AFG2A: variants seen among roughly 807,000 people sequenced by gnomAD.
The protein encoded by AFG2A is AAA ATPase AFG2A, also known as ATPase family gene 2 protein homolog A.
chr4:123,283,811 C>G, the AFG2A span, among the ~76,000 whole-genome samples: 2 of 152,168 alleles, frequency 1.3e-5, no homozygotes, highest in Non-Finnish European at 2.9e-5. Flanking sequence ...ACTGCAAGGG[C>G]AGATTTGAGT....
chr4:122,936,008 T>C, the AFG2A span: 2 of 1,322,088 alleles, frequency 1.5e-6, no homozygotes, highest in African/African-American at 3.0e-5. Flanking sequence ...ATTTTAAGTA[T>C]TATAGAAATA....
chr4:123,079,996 G>A, the AFG2A span, among the ~76,000 whole-genome samples: 2 of 151,884 alleles, frequency 1.3e-5, no homozygotes, highest in Non-Finnish European at 2.9e-5. Flanking sequence ...TGATCCATGC[G>A]CCTTGGCCTC....
At chr4:123,256,567 T>A in the AFG2A span, 1 of 417,618 alleles carries the variant, frequency 2.4e-6, no homozygotes, top group South Asian at 1.0e-4. Context: ...TCCCTCCTGT[T>A]TCCTCATGGA....
chr4:123,022,590 C>T, the AFG2A span, among the ~76,000 whole-genome samples: 4 of 148,302 alleles, frequency 2.7e-5, no homozygotes, highest in East Asian at 8.0e-4. Context: ...GTTGGTGGGA[C>T]TGTAAACTAG....
At chr4:123,227,693 T>G in the AFG2A span, among the ~76,000 whole-genome samples, 10 of 152,206 alleles carry the variant, frequency 6.6e-5, no homozygotes, top group Non-Finnish European at 1.5e-4. Flanking sequence ...TTCGGTTGAT[T>G]TGAGGTGGAG....
chr4:123,302,300 G>A, the AFG2A span, among the ~76,000 whole-genome samples: 1 of 151,952 alleles, frequency 6.6e-6, no homozygotes, highest in Non-Finnish European at 1.5e-5. Flanking sequence ...CATTACATGA[G>A]TGCTTTTACC....
chr4:123,173,323 A>G, the AFG2A span, among the ~76,000 whole-genome samples: 6 of 142,484 alleles, frequency 4.2e-5, no homozygotes, highest in Non-Finnish European at 7.5e-5. Flanking sequence ...AATCAAATTT[A>G]GTGAATAAGT....
At chr4:123,069,230 T>C in the AFG2A span, among the ~76,000 whole-genome samples, 875 of 152,292 alleles carry the variant, frequency 5.7e-3, 8 homozygotes, top group African/African-American at 0.02. Flanking sequence ...CCATCCATGA[T>C]ATATTAATTA....
At chr4:122,943,430 C>T in the AFG2A span, among the ~76,000 whole-genome samples, 1 of 152,126 alleles carries the variant, frequency 6.6e-6, no homozygotes, top group African/African-American at 2.4e-5. Context: ...GGTTTAAAGT[C>T]TGTTTTATCA....
chr4:122,945,572 G>T, the AFG2A span, among the ~76,000 whole-genome samples: 4 of 152,290 alleles, frequency 2.6e-5, no homozygotes, highest in East Asian at 7.7e-4. Flanking sequence ...CCAGCAAAGG[G>T]AACTCCCTGA....
At chr4:122,939,075 CTTTT>C in the AFG2A span, among the ~76,000 whole-genome samples, 13 of 102,224 alleles carry the variant, frequency 1.3e-4, no homozygotes, top group South Asian at 7.4e-4. Context: ...TATGTTCTTT[CTTTT>C]TTTTTTTTTT....
At chr4:123,054,800 A>G in the AFG2A span, among the ~76,000 whole-genome samples, 8 of 152,214 alleles carry the variant, frequency 5.3e-5, no homozygotes, top group African/African-American at 1.7e-4. Flanking sequence ...TCCACAACAC[A>G]TTAATTTTAT....
At chr4:123,295,256 A>T in the AFG2A span, among the ~76,000 whole-genome samples, 2 of 152,330 alleles carry the variant, frequency 1.3e-5, no homozygotes, top group Non-Finnish European at 2.9e-5. Context: ...GCAGAGGCAT[A>T]AGCCTTGGAA....
the AFG2A span, among the ~76,000 whole-genome samples, chr4:122,992,198 G>A: frequency 2.0e-5 from 3 of 152,282 alleles, no homozygotes; most frequent in South Asian, 6.2e-4. Context: ...TACTACAACT[G>A]CATATTTAAT....
the AFG2A span, among the ~76,000 whole-genome samples, chr4:123,226,252 A>C: frequency 1.3e-5 from 2 of 152,160 alleles, no homozygotes; most frequent in African/African-American, 2.4e-5. Flanking sequence ...CACTATGTTG[A>C]ATAGGAGTGG....
At chr4:123,125,834 CT>C in the AFG2A span, among the ~76,000 whole-genome samples, 12 of 152,248 alleles carry the variant, frequency 7.9e-5, no homozygotes, top group Non-Finnish European at 1.6e-4. Context: ...ATTATTTTAT[CT>C]CAATTTCTTT....
At chr4:123,153,234 C>T in the AFG2A span, among the ~76,000 whole-genome samples, 3 of 152,208 alleles carry the variant, frequency 2.0e-5, no homozygotes, top group Admixed American at 2.0e-4. Flanking sequence ...GGCCTTTCTA[C>T]AGCATGGGCT....
the AFG2A span, among the ~76,000 whole-genome samples, chr4:123,039,681 CTTGCT>C: frequency 1.1e-4 from 16 of 151,530 alleles, no homozygotes; most frequent in African/African-American, 3.6e-4. Flanking sequence ...ACAGGCATTT[CTTGCT>C]TTGCAGTCTA....
the AFG2A span, among the ~76,000 whole-genome samples, chr4:123,005,569 G>A: frequency 6.6e-6 from 1 of 151,994 alleles, no homozygotes; most frequent in African/African-American, 2.4e-5. Flanking sequence ...GTTTCTTAAG[G>A]TGGGATGTGT....
Sources: gnomAD v4.1 joint callset for allele counts (sites outside exome capture counted in the v4.1 genomes callset) on GRCh38, gnomAD v4.1.1 for gene constraint, MANE v1.5 for transcripts, NCBI Gene and HGNC (gene_info 2026-07-23, HGNC 2026-07-21) for gene names.